Variants in CHRNA7 observed in about 807,000 individuals in gnomAD.
CHRNA7 encodes neuronal acetylcholine receptor subunit alpha-7.
Under a neutral mutation model 48.0 loss-of-function variants are expected in CHRNA7, and 17 were observed. The observed-to-expected ratio is 0.35, with a 90% CI of 0.24 to 0.53. The LOEUF is 0.53. Among genes scored for constraint, CHRNA7 ranks in the 20% least tolerant of loss-of-function variants. The probability of loss-of-function intolerance (pLI) is 0.92; values close to 1 mark genes in which losing one functional copy is unlikely to be tolerated. For synonymous variants in CHRNA7, 75 were observed against 242.3 expected (o/e 0.31, Z 6.41); for missense variants, 155 against 577.7 (o/e 0.27, Z 7.50).
At chr15:32,089,717 C>T (rs192747500) in intron 2 of CHRNA7, among the ~76,000 whole-genome samples, 83 of 152,222 alleles carry the variant, frequency 5.5e-4, no homozygotes, top group African/African-American at 1.9e-3. Flanking sequence ...TTTGCTTTGT[C>T]TCTGCAGACT....
chr15:32,121,313 C>G (rs926374263), intron 4 of CHRNA7, among the ~76,000 whole-genome samples: 1 of 152,168 alleles, frequency 6.6e-6, no homozygotes, highest in African/African-American at 2.4e-5. Flanking sequence ...TCACTGCCCT[C>G]GAGGCATGTG....
chr15:32,122,643 G>A lies in CHRNA7; in HGVS notation c.350+10744G>A, dbSNP rs558815843. Among the ~76,000 whole-genome samples the A allele has an allele frequency of 3.1e-3, 464 of 151,992 alleles. 3 individuals carry two copies. Among genetic ancestry groups the A allele is most frequent in the Middle Eastern group, 6.8e-3 (2 of 294 alleles). ...TTTTTTCCCTAAAATGTTTGTGTAT[G>A]CTATGAGGTAAGGGTCTAACTTTAC... On this transcript the variant is annotated intron_variant, in intron 4 of 9. Coordinates refer to ENST00000306901, the MANE Select transcript of CHRNA7 (RefSeq NM_000746.6).
chr15:32,117,353 G>A (rs148263141), intron 4 of CHRNA7, among the ~76,000 whole-genome samples: 1 of 152,162 alleles, frequency 6.6e-6, no homozygotes, highest in African/African-American at 2.4e-5. Context: ...CCTCTGGCTT[G>A]CCTGCCCCAT....
Position 32,119,976 on chromosome 15 carries a change from G to A in CHRNA7, c.350+8077G>A, listed in dbSNP as rs145708357. 2.0e-4 allele frequency among the ~76,000 whole-genome samples: 31 copies of A among 152,320 alleles called. No individual in the cohort carries two copies. The East Asian group carries it at 6.0e-3, about 29-fold the overall frequency. ...GCTTACTGAAGGTCCCATGCACTGC[G>A]TTCAGCCTACTTGCCCGCAGCTCCT... On this transcript the variant is annotated intron_variant, in intron 4 of 9. Transcript: ENST00000306901.
intron 4 of CHRNA7, among the ~76,000 whole-genome samples, chr15:32,140,622 G>A (rs2051361470): frequency 6.6e-6 from 1 of 152,182 alleles, no homozygotes; most frequent in Non-Finnish European, 1.5e-5. Context: ...TCTAACTGGT[G>A]TGAGAGAGAT....
chr15:32,101,267 A>G (rs201473334), intron 2 of CHRNA7, 36 bp from the exon 3 acceptor site: 10 of 1,559,660 alleles, frequency 6.4e-6, no homozygotes, highest in Non-Finnish European at 8.7e-6. Context: ...TGTAAACCAT[A>G]TTATTTATGC....
At chr15:32,104,581 A>G (rs1355332210) in intron 3 of CHRNA7, among the ~76,000 whole-genome samples, 1 of 151,908 alleles carries the variant, frequency 6.6e-6, no homozygotes, top group Non-Finnish European at 1.5e-5. Flanking sequence ...AGTGTGGGGG[A>G]CAGGGCTCCA....
intron 4 of CHRNA7, among the ~76,000 whole-genome samples, chr15:32,126,516 A>C (rs1244271684): frequency 1.3e-5 from 2 of 152,218 alleles, no homozygotes; most frequent in Non-Finnish European, 2.9e-5. Flanking sequence ...GCCACGACAC[A>C]GTCAAATTGG....
At chr15:32,136,497 CAAAAA>C (rs34839510) in intron 4 of CHRNA7, among the ~76,000 whole-genome samples, 2 of 110,350 alleles carry the variant, frequency 1.8e-5, no homozygotes. Context: ...GACTCCATCT[CAAAAA>C]AAAAAAAAAA....
At chr15:32,152,263 T>G (rs1397073326) in intron 4 of CHRNA7, among the ~76,000 whole-genome samples, 4 of 152,036 alleles carry the variant, frequency 2.6e-5, no homozygotes, top group African/African-American at 9.7e-5. Context: ...ACCAACATGG[T>G]GAAACCCCAT....
rs141108893 is a variant in CHRNA7 at position 32,086,098 on chromosome 15, G to A, written c.196-15205G>A. ...AAGATAAACACTTTTGGCCAGGCAC[G>A]GTGGCTCACGCCTGTAATCCCAGCA... On this transcript the variant is annotated intron_variant, in intron 2 of 9. Coordinates refer to ENST00000306901, the MANE Select transcript of CHRNA7 (RefSeq NM_000746.6). Among the ~76,000 whole-genome samples, 1,432 of 152,008 alleles carry A rather than the reference G, an allele frequency of 9.4e-3. 34 individuals are homozygous for A. The highest frequency in any genetic ancestry group is 0.033 in the African/African-American group (1,359 of 41,470).
intron 4 of CHRNA7, among the ~76,000 whole-genome samples, chr15:32,141,628 G>C (rs886080295): frequency 2.6e-5 from 4 of 152,128 alleles, no homozygotes; most frequent in Non-Finnish European, 4.4e-5. Context: ...TCCTTGAAGA[G>C]GTCCTTCACA....
chr15:32,098,909 CTT>C (rs543784879), intron 2 of CHRNA7: 2 of 154,086 alleles, frequency 1.3e-5, no homozygotes, highest in Admixed American at 1.3e-4. Context: ...CACACACACA[CTT>C]TTTATTCTAG....
chr15:32,137,540 T>G (rs2051293815), intron 4 of CHRNA7, among the ~76,000 whole-genome samples: 1 of 152,214 alleles, frequency 6.6e-6, no homozygotes. Flanking sequence ...TGTACCTCTT[T>G]TAGTAATTGA....
chr15:32,145,200 T>A (rs759642530), intron 4 of CHRNA7, among the ~76,000 whole-genome samples: 4 of 152,234 alleles, frequency 2.6e-5, no homozygotes, highest in Admixed American at 6.5e-5. Flanking sequence ...TGGAGTTTGC[T>A]GGAGGTCCAC....
rs1200016787 is a variant in CHRNA7 at position 32,058,521 on chromosome 15, T to A, written c.195+27484T>A. The stretch of plus-strand genomic sequence containing the variant: ...CTGGCTTCCTGGATTTTTCCAGGTG[T>A]CACTTGGAAAGTGTACTGAATTAGT... On this transcript the variant is annotated intron_variant, in intron 2 of 9. Transcript: ENST00000306901. 3.3e-5 allele frequency among the ~76,000 whole-genome samples: 5 copies of A among 152,336 alleles called. No homozygotes were observed. In the South Asian group the frequency reaches 8.3e-4, roughly 25 times the overall value.
chr15:32,070,599 AACATTC>A (rs1289275298), intron 2 of CHRNA7, among the ~76,000 whole-genome samples: 1 of 149,488 alleles, frequency 6.7e-6, no homozygotes, highest in Non-Finnish European at 1.5e-5. Flanking sequence ...TTTATAGTTT[AACATTC>A]ACATTTAAGT....
chr15:32,114,061 C>CACATAT (rs1555383701), intron 4 of CHRNA7, among the ~76,000 whole-genome samples: 18,230 of 120,002 alleles, frequency 0.15, 1,859 homozygotes, highest in Middle Eastern at 0.22. Context: ...TATATATATA[C>CACATAT]ATATATATAT....
At chr15:32,100,441 A>C (rs2050550754) in intron 2 of CHRNA7, 1 of 152,888 alleles carries the variant, frequency 6.5e-6, no homozygotes, top group Non-Finnish European at 1.5e-5. Context: ...GGGCTTGGTC[A>C]GCCGTACTAA....
Sources: gnomAD v4.1 joint callset for allele counts (sites outside exome capture counted in the v4.1 genomes callset) on GRCh38, gnomAD v4.1.1 for gene constraint, MANE v1.5 for transcripts, NCBI Gene and HGNC (gene_info 2026-07-23, HGNC 2026-07-21) for gene names.